GABBR2: variants seen among roughly 807,000 people sequenced by gnomAD.
GABBR2 encodes the protein gamma-aminobutyric acid type B receptor subunit 2, also known as G-protein coupled receptor 51.
GABBR2 carries 23 observed loss-of-function variants against 105.6 expected under a neutral mutation model. That is an observed-to-expected ratio of 0.22 (90% CI 0.16 to 0.31). GABBR2 has a LOEUF of 0.31. Ranked by LOEUF, GABBR2 falls within the 10% of genes least tolerant of loss-of-function variation. The pLI is 1.00. For synonymous variants in GABBR2, 478 were observed against 499.7 expected (o/e 0.96, Z 0.58); for missense variants, 734 against 1,245.5 (o/e 0.59, Z 6.18).
intron 1 of GABBR2, among the ~76,000 whole-genome samples, chr9:98,612,729 A>C (rs184444358): frequency 2.3e-4 from 35 of 152,326 alleles, no homozygotes; most frequent in Admixed American, 2.1e-3. Flanking sequence ...TCAGGGGGGA[A>C]AAAACCACAA....
At chr9:98,339,328 G>A (rs1050333286) in intron 13 of GABBR2, among the ~76,000 whole-genome samples, 1 of 151,418 alleles carries the variant, frequency 6.6e-6, no homozygotes, top group Non-Finnish European at 1.5e-5. Context: ...AGATCCCTCT[G>A]TCTGCCAGTC....
In GABBR2 at chr9:98,496,452, G is replaced by A; in HGVS notation, c.693C>T (p.Ser231=). The change falls in exon 4 of 19, where the codon AGC becomes AGT. Residue 231 remains serine, a synonymous_variant. Transcript: ENST00000259455. ...GEDIEISDTE[S]FSNDPCTSVK... ...CACTGGTACAGGGATCGTTGGAGAAGCTCTCGGTGTCTGAAATCTCAATGT... is the reference window on the plus strand; with the variant it reads ...CACTGGTACAGGGATCGTTGGAGAAACTCTCGGTGTCTGAAATCTCAATGT... 2 of 1,612,808 alleles carry A rather than the reference G, an allele frequency of 1.2e-6. No individual in the cohort carries two copies. Among genetic ancestry groups the A allele is most frequent in the Middle Eastern group, 3.3e-4 (2 of 6,060 alleles).
chr9:98,574,621 AT>A (rs1403124709), intron 2 of GABBR2, among the ~76,000 whole-genome samples: 6 of 152,202 alleles, frequency 3.9e-5, no homozygotes, highest in African/African-American at 2.4e-5. Context: ...AAGACACTAA[AT>A]TTGGGGGGAT....
chr9:98,331,747 G>A (rs549406466), intron 13 of GABBR2, among the ~76,000 whole-genome samples: 3 of 152,196 alleles, frequency 2.0e-5, no homozygotes, highest in Non-Finnish European at 2.9e-5. Flanking sequence ...CTGGATGTGC[G>A]AGCCAGTGAG....
intron 17 of GABBR2, among the ~76,000 whole-genome samples, chr9:98,297,536 T>C (rs1207992288): frequency 2.0e-5 from 3 of 150,092 alleles, no homozygotes; most frequent in Non-Finnish European, 3.0e-5. Context: ...TTGCTTGAAC[T>C]TGGGAGGTGG....
chr9:98,458,628 C>T (rs1453643450), intron 6 of GABBR2, among the ~76,000 whole-genome samples: 1 of 152,138 alleles, frequency 6.6e-6, no homozygotes, highest in Admixed American at 6.5e-5. Flanking sequence ...TCATTTGAAC[C>T]CAGGAGGCAG....
intron 1 of GABBR2, among the ~76,000 whole-genome samples, chr9:98,667,553 C>G (rs1588275684): frequency 6.6e-6 from 1 of 152,128 alleles, no homozygotes; most frequent in East Asian, 1.9e-4. Flanking sequence ...ACCCAACACC[C>G]TTGCCTTGAT....
chr9:98,659,393 C>G (rs1331688851), intron 1 of GABBR2, among the ~76,000 whole-genome samples: 1 of 151,648 alleles, frequency 6.6e-6, no homozygotes, highest in Non-Finnish European at 1.5e-5. Context: ...CGATACAGAT[C>G]AGGGGTCAGC....
intron 4 of GABBR2, among the ~76,000 whole-genome samples, chr9:98,495,755 G>T (rs1465157540): frequency 6.6e-6 from 1 of 152,144 alleles, no homozygotes; most frequent in Non-Finnish European, 1.5e-5. Flanking sequence ...CTCTCCCCAG[G>T]TGGGATGAGT....
intron 1 of GABBR2, among the ~76,000 whole-genome samples, chr9:98,631,056 A>C (rs1175638325): frequency 6.6e-6 from 1 of 152,208 alleles, no homozygotes; most frequent in Non-Finnish European, 1.5e-5. Context: ...GGGAGTGAAG[A>C]AAACATAACG....
chr9:98,453,151 C>T lies in GABBR2; in HGVS notation c.1236+830G>A, dbSNP rs543971769. Among the ~76,000 whole-genome samples, 37 of 152,160 alleles carry T rather than the reference C, an allele frequency of 2.4e-4. 1 individual carries two copies. Among genetic ancestry groups the T allele is most frequent in the Non-Finnish European group, 4.6e-4 (31 of 68,032 alleles). ...AAGCGATTCTCCTGCCTCAGCCTCC[C>T]GAGTAGCTGGGATTACGGGCATGTG... On this transcript the variant is annotated intron_variant, in intron 7 of 18. Coordinates refer to ENST00000259455, the MANE Select transcript of GABBR2 (RefSeq NM_005458.8).
In GABBR2 at chr9:98,569,257, T is replaced by C. The variant is rs146546543; in HGVS notation, c.459+8678A>G. ...TCTGTGGAAGGGTGTGGCAGTCACA[T>C]GGGCCAGGTTGTGGCGGGATTCTGG... On this transcript the variant is annotated intron_variant, in intron 2 of 18. Transcript: ENST00000259455. Among the ~76,000 whole-genome samples, 649 of 152,266 alleles carry C rather than the reference T, an allele frequency of 4.3e-3. 6 individuals carry two copies. The highest frequency in any genetic ancestry group is 0.015 in the African/African-American group (619 of 41,546).
chr9:98,691,292 T>G (rs1297172447), intron 1 of GABBR2, among the ~76,000 whole-genome samples: 4 of 152,150 alleles, frequency 2.6e-5, no homozygotes, highest in African/African-American at 9.7e-5. Flanking sequence ...GGACAAACCC[T>G]GCAAGGCAGG....
intron 16 of GABBR2, among the ~76,000 whole-genome samples, chr9:98,300,875 G>A (rs1256936494): frequency 6.6e-6 from 1 of 152,206 alleles, no homozygotes; most frequent in Non-Finnish European, 1.5e-5. Context: ...TTTAGATCAT[G>A]CATTTTTGTC....
intron 13 of GABBR2, among the ~76,000 whole-genome samples, chr9:98,337,573 A>G (rs998481465): frequency 1.3e-5 from 2 of 152,222 alleles, no homozygotes; most frequent in African/African-American, 4.8e-5. Flanking sequence ...TCACACTTCC[A>G]ATTTTAATTG....
intron 7 of GABBR2, among the ~76,000 whole-genome samples, chr9:98,434,414 G>A (rs1825865895): frequency 6.6e-6 from 1 of 152,172 alleles, no homozygotes; most frequent in South Asian, 2.1e-4. Flanking sequence ...CTGAGCTCTG[G>A]GCCAGTCAGT....
intron 7 of GABBR2, among the ~76,000 whole-genome samples, chr9:98,443,134 A>C (rs1294279925): frequency 1.3e-5 from 2 of 152,068 alleles, no homozygotes; most frequent in African/African-American, 4.8e-5. Context: ...GGCATTCAAA[A>C]CTGTTCATCA....
chr9:98,513,001 A>C (rs1313109540), intron 3 of GABBR2, among the ~76,000 whole-genome samples: 1 of 151,876 alleles, frequency 6.6e-6, no homozygotes, highest in African/African-American at 2.4e-5. Context: ...CCTGACTTCA[A>C]ACTATACTAC....
At chr9:98,387,838 G>A (rs1423365696) in intron 10 of GABBR2, among the ~76,000 whole-genome samples, 4 of 151,892 alleles carry the variant, frequency 2.6e-5, no homozygotes, top group African/African-American at 9.7e-5. Flanking sequence ...ACACACAAAA[G>A]TCTAGAGCCT....
Sources: gnomAD v4.1 joint callset for allele counts (sites outside exome capture counted in the v4.1 genomes callset) on GRCh38, gnomAD v4.1.1 for gene constraint, MANE v1.5 for transcripts, NCBI Gene and HGNC (gene_info 2026-07-23, HGNC 2026-07-21) for gene names.